EFR3A: variants seen among roughly 807,000 people sequenced by gnomAD.
The protein encoded by EFR3A is protein EFR3 homolog A.
In EFR3A, 76 loss-of-function variants were observed where a neutral mutation model predicts 104.4. That is an observed-to-expected ratio of 0.73 (90% CI 0.60 to 0.88). The LOEUF (loss-of-function observed/expected upper bound fraction) is 0.88. EFR3A is among the 40% of genes least tolerant of loss of function. The pLI is 0.00. For synonymous variants in EFR3A, 330 were observed against 330.0 expected (o/e 1.00, Z 0.00); for missense variants, 985 against 1,012.5 (o/e 0.97, Z 0.37).
At position 131,984,933 on chromosome 8, in the gene EFR3A, G is replaced by C. The variant is rs1325617254; in HGVS notation, c.1742G>C (p.Ser581Thr). 3 of 1,613,064 alleles carry C rather than the reference G, an allele frequency of 1.9e-6. No homozygotes were observed. The highest frequency in any genetic ancestry group is 2.5e-6 in the Non-Finnish European group (3 of 1,179,466). ...TGTGTTTGTTTCTTATTAAAGGACA[G>C]TGCAATTATCAATGAGGATAATTTG... ...LIRLAIALQD[S>T]AIINEDNLPM... Residue 581 changes from serine (S) to threonine (T), a missense_variant, in exon 16 of 23, where the codon AGT (serine) becomes ACT (threonine). Coordinates refer to ENST00000254624, the MANE Select transcript of EFR3A (RefSeq NM_015137.6).
chr8:131,926,651 G>T (rs1360323595), intron 1 of EFR3A, among the ~76,000 whole-genome samples: 1 of 151,966 alleles, frequency 6.6e-6, no homozygotes, highest in Non-Finnish European at 1.5e-5. Context: ...AAAGGATCTT[G>T]CTCTGTTGCT....
rs189888967 is a variant in EFR3A at position 132,006,592 on chromosome 8, A to G, written c.2360+3307A>G. Among the ~76,000 whole-genome samples the G allele has an allele frequency of 3.4e-3, 521 of 152,214 alleles. 3 individuals carry two copies. The highest frequency in any genetic ancestry group is 5.5e-3 in the Non-Finnish European group (371 of 67,940). On this transcript the variant is annotated intron_variant, in intron 22 of 22. Coordinates refer to ENST00000254624, the MANE Select transcript of EFR3A (RefSeq NM_015137.6). ...TTTAACTTCACTGCTTACTTTTATC[A>G]TACATTTAGGTAAGAAATAATACCA...
chr8:131,951,051 T>C (rs887126898), intron 5 of EFR3A, among the ~76,000 whole-genome samples: 1 of 152,274 alleles, frequency 6.6e-6, no homozygotes. Flanking sequence ...TGATAAGATA[T>C]AGCATGCTTT....
At chr8:131,952,310 A>C (rs192892358) in intron 5 of EFR3A, among the ~76,000 whole-genome samples, 34 of 152,246 alleles carry the variant, frequency 2.2e-4, no homozygotes, top group Admixed American at 2.0e-3. Context: ...CAGTTGTTCT[A>C]TTTTACTGAT....
intron 4 of EFR3A, among the ~76,000 whole-genome samples, chr8:131,948,180 G>A (rs1318752713): frequency 6.6e-6 from 1 of 152,030 alleles, no homozygotes. Flanking sequence ...TCTGGTATAG[G>A]AAGAGGAAGT....
chr8:131,919,463 G>A (rs1816893142), intron 1 of EFR3A, among the ~76,000 whole-genome samples: 1 of 152,006 alleles, frequency 6.6e-6, no homozygotes, highest in East Asian at 1.9e-4. Flanking sequence ...CGGGTATGGT[G>A]GCGGGCGCCC....
intron 1 of EFR3A, 59 bp downstream of exon 1, chr8:131,904,381 G>T (rs1276698548): frequency 1.5e-5 from 19 of 1,237,380 alleles, no homozygotes; most frequent in Non-Finnish European, 1.9e-5. Flanking sequence ...CGACGCGCTT[G>T]GGCCGGGTAC....
intron 18 of EFR3A, among the ~76,000 whole-genome samples, chr8:131,992,603 A>C (rs1264508327): frequency 6.6e-6 from 1 of 152,332 alleles, no homozygotes; most frequent in East Asian, 1.9e-4. Context: ...AGAAAGAGGG[A>C]CAAGTAGAAA....
chr8:131,987,498 TG>T, intron 17 of EFR3A, 76 bp from the exon 18 acceptor site: 1 of 1,431,754 alleles, frequency 7.0e-7, no homozygotes, highest in Non-Finnish European at 9.3e-7. Flanking sequence ...GCTTTTGCTC[TG>T]GAATGTTTTG....
At chr8:131,937,200 A>C (rs1350079418) in intron 1 of EFR3A, among the ~76,000 whole-genome samples, 1 of 152,172 alleles carries the variant, frequency 6.6e-6, no homozygotes, top group Non-Finnish European at 1.5e-5. Flanking sequence ...AGATGTCTTT[A>C]AAGAAATGTT....
At chr8:131,984,878 T>C in intron 15 of EFR3A, 51 bp from the exon 16 acceptor site, 2 of 1,499,066 alleles carry the variant, frequency 1.3e-6, no homozygotes, top group Non-Finnish European at 1.8e-6. Flanking sequence ...GAGAAAATGC[T>C]GGTGAAGTAT....
intron 18 of EFR3A, among the ~76,000 whole-genome samples, chr8:131,988,794 A>G (rs1821023769): frequency 1.3e-5 from 2 of 152,116 alleles, no homozygotes. Context: ...CCTCTAGGAA[A>G]ATAGCTTAAT....
intron 11 of EFR3A, 109 bp downstream of exon 11, chr8:131,976,250 C>A: frequency 4.1e-6 from 3 of 723,196 alleles, no homozygotes; most frequent in South Asian, 1.7e-5. Context: ...TTAGTAATAG[C>A]ATTCCTATGG....
chr8:131,957,657 G>A (rs79901865), intron 7 of EFR3A, among the ~76,000 whole-genome samples: 2,147 of 152,224 alleles, frequency 0.014, 33 homozygotes, highest in East Asian at 0.065. Context: ...GCCAGGGCCA[G>A]TATCTTTTAA....
rs1816128477 is a variant in EFR3A, at chr8:131,904,310, G to T, written c.-3G>T. The stretch of plus-strand genomic sequence containing the variant: ...TGCGGCGGCGAGCGCGGTCGAGATC[G>T]CCATGCCTACCCGTGAGTGGCCGGC... On this transcript the variant is annotated 5_prime_UTR_variant, in exon 1 of 23. Coordinates refer to ENST00000254624, the MANE Select transcript of EFR3A (RefSeq NM_015137.6). The T allele has an allele frequency of 9.5e-6, 12 of 1,263,424 alleles. No individual in the cohort carries two copies. The highest frequency in any genetic ancestry group is 1.2e-5 in the Non-Finnish European group (12 of 1,003,594). The allele number at this position is 1,263,424 out of a possible 1,614,324, so 78.3% of individuals were successfully genotyped here. A position where few individuals can be genotyped will look rare whatever the true frequency, so the allele number is the denominator to read the frequency against.
chr8:131,989,000 A>C (rs890314799), intron 18 of EFR3A, among the ~76,000 whole-genome samples: 1 of 152,152 alleles, frequency 6.6e-6, no homozygotes, highest in African/African-American at 2.4e-5. Flanking sequence ...AATGGTCTGC[A>C]CTTCCCTGAT....
chr8:132,011,236 A>G lies in EFR3A; in HGVS notation c.*341A>G. 1 of 1,002,262 alleles carries G rather than the reference A, an allele frequency of 1.0e-6. No individual in the cohort carries two copies. Among genetic ancestry groups the G allele is most frequent in the South Asian group, 4.5e-5 (1 of 22,318 alleles). The allele number at this position is 1,002,262 out of a possible 1,614,324, so 62.1% of individuals were successfully genotyped here. On this transcript the variant is annotated 3_prime_UTR_variant, in exon 23 of 23. Transcript: ENST00000254624. ...TAAAAAGTAAGCCTTCAGAGGATTG[A>G]AACTGTATAAATTGTTTATCTCTTA...
chr8:132,005,080 T>G (rs757491516), intron 22 of EFR3A, among the ~76,000 whole-genome samples: 19 of 152,236 alleles, frequency 1.2e-4, no homozygotes, highest in Non-Finnish European at 7.4e-5. Flanking sequence ...AAATGTATTA[T>G]TTTATTTAAT....
At chr8:131,948,595 A>G (rs1310614960) in intron 4 of EFR3A, among the ~76,000 whole-genome samples, 1 of 152,086 alleles carries the variant, frequency 6.6e-6, no homozygotes, top group Non-Finnish European at 1.5e-5. Flanking sequence ...TAGGTGAGGA[A>G]TGTTTTGGGA....
Sources: gnomAD v4.1 joint callset for allele counts (sites outside exome capture counted in the v4.1 genomes callset) on GRCh38, gnomAD v4.1.1 for gene constraint, MANE v1.5 for transcripts, NCBI Gene and HGNC (gene_info 2026-07-23, HGNC 2026-07-21) for gene names.